Variants in AK7 observed in about 807,000 individuals in gnomAD.
AK7 encodes the protein ATP-AMP transphosphorylase 7.
In AK7, 78 loss-of-function variants were observed where a neutral mutation model predicts 96.6. The ratio of observed to expected loss-of-function variants is 0.81; its 90% CI spans 0.67 to 0.97. The LOEUF (loss-of-function observed/expected upper bound fraction) is 0.97. AK7 is among the 50% of genes least tolerant of loss of function. The probability of loss-of-function intolerance (pLI) is 0.00; values close to 1 mark genes in which losing one functional copy is unlikely to be tolerated. For synonymous variants in AK7, 302 were observed against 317.2 expected, an observed-to-expected ratio of 0.95 and a Z score of 0.51; for missense variants, 855 against 887.9, an observed-to-expected ratio of 0.96 and a Z score of 0.47.
chr14:96,392,141 G>T lies in AK7; in HGVS notation c.-14G>T. 1 of 1,605,818 alleles carries T rather than the reference G, an allele frequency of 6.2e-7. No individual in the cohort carries two copies. Among genetic ancestry groups the T allele is most frequent in the Non-Finnish European group, 8.5e-7 (1 of 1,172,834 alleles). Reference sequence around the variant, plus strand: ...AGTGGCGCTTTCACCTTAGCAACCAGCGCGGCTCCCACCATGGCTGAAGAA... The same window carrying T: ...AGTGGCGCTTTCACCTTAGCAACCATCGCGGCTCCCACCATGGCTGAAGAA... On this transcript the variant is annotated 5_prime_UTR_variant, in exon 1 of 18. Coordinates refer to ENST00000267584, the MANE Select transcript of AK7 (RefSeq NM_152327.5).
intron 4 of AK7, among the ~76,000 whole-genome samples, chr14:96,409,999 C>T (rs1170292270): frequency 6.6e-6 from 1 of 152,114 alleles, no homozygotes; most frequent in Non-Finnish European, 1.5e-5. Context: ...CAATGATACA[C>T]CATTGATCCC....
intron 17 of AK7, 27 bp downstream of exon 17, chr14:96,487,083 A>G: frequency 6.2e-7 from 1 of 1,612,672 alleles, no homozygotes; most frequent in African/African-American, 1.3e-5. Flanking sequence ...TTAAAAAAAG[A>G]TCAATTTGAG....
intron 12 of AK7, among the ~76,000 whole-genome samples, chr14:96,459,923 A>G (rs1359032563): frequency 2.0e-5 from 3 of 152,204 alleles, no homozygotes; most frequent in African/African-American, 7.2e-5. Flanking sequence ...AAATGGGCCA[A>G]TACGTAATAC....
intron 5 of AK7, 105 bp downstream of exon 5, chr14:96,421,037 C>A: frequency 1.3e-6 from 1 of 749,138 alleles, no homozygotes; most frequent in Non-Finnish European, 2.2e-6. Context: ...TTAGGCTCAC[C>A]CCAGGATACA....
At chr14:96,411,580 ACTG>A (rs1891031215) in intron 4 of AK7, among the ~76,000 whole-genome samples, 1 of 152,148 alleles carries the variant, frequency 6.6e-6, no homozygotes, top group Admixed American at 6.6e-5. Context: ...AAGACCAAAT[ACTG>A]CTAAGTATTT....
chr14:96,423,317 C>G (rs965948581), intron 5 of AK7, among the ~76,000 whole-genome samples: 14 of 152,162 alleles, frequency 9.2e-5, no homozygotes, highest in Non-Finnish European at 2.1e-4. Context: ...GCAACCAATC[C>G]TTATTTATTT....
chr14:96,406,899 CAGCTTCTGGCCTCA>C (rs1203640476), intron 3 of AK7, among the ~76,000 whole-genome samples: 1 of 152,042 alleles, frequency 6.6e-6, no homozygotes, highest in Non-Finnish European at 1.5e-5. Flanking sequence ...GGGTGGTCTC[CAGCTTCTGGCCTCA>C]AGCGATCCTC....
intron 17 of AK7, chr14:96,487,955 C>T (rs1895864980): frequency 5.4e-6 from 2 of 372,950 alleles, no homozygotes; most frequent in Non-Finnish European, 1.1e-5. Flanking sequence ...TCTTGTTGCT[C>T]AGGTTGGAAT....
intron 10 of AK7, among the ~76,000 whole-genome samples, chr14:96,454,045 A>C (rs1031106418): frequency 6.6e-6 from 1 of 152,014 alleles, no homozygotes; most frequent in African/African-American, 2.4e-5. Flanking sequence ...TCCCTATCCG[A>C]TGGGACCACA....
At chr14:96,394,623 T>G (rs1445152818) in intron 1 of AK7, among the ~76,000 whole-genome samples, 1 of 152,190 alleles carries the variant, frequency 6.6e-6, no homozygotes, top group Non-Finnish European at 1.5e-5. Flanking sequence ...TGGTTTATCC[T>G]CTAAATTCAG....
chr14:96,395,195 A>T (rs1889996960), intron 1 of AK7, among the ~76,000 whole-genome samples: 1 of 152,254 alleles, frequency 6.6e-6, no homozygotes, highest in Non-Finnish European at 1.5e-5. Flanking sequence ...ACCTATTGTT[A>T]ACAGGAACCC....
chr14:96,465,606 A>G (rs968166524), intron 12 of AK7, among the ~76,000 whole-genome samples: 3 of 152,206 alleles, frequency 2.0e-5, no homozygotes, highest in African/African-American at 7.2e-5. Flanking sequence ...AATGCCAAAA[A>G]GCTTTTATGA....
intron 12 of AK7, 106 bp downstream of exon 12, chr14:96,458,318 G>T: frequency 2.1e-6 from 3 of 1,411,528 alleles, no homozygotes; most frequent in Non-Finnish European, 2.8e-6. Flanking sequence ...AACTACAGGC[G>T]GGCGCCATGG....
intron 7 of AK7, among the ~76,000 whole-genome samples, chr14:96,445,291 T>C (rs548358194): frequency 1.3e-3 from 200 of 152,352 alleles, no homozygotes; most frequent in African/African-American, 4.6e-3. Context: ...TAGCATTTTT[T>C]CCCCAGAGGT....
chr14:96,406,192 C>T (rs1003789354), intron 3 of AK7, among the ~76,000 whole-genome samples: 1 of 152,078 alleles, frequency 6.6e-6, no homozygotes, highest in Non-Finnish European at 1.5e-5. Flanking sequence ...GCTGGGATTA[C>T]AGGAGTGAGC....
chr14:96,468,015 T>C (rs1290857551), intron 12 of AK7, among the ~76,000 whole-genome samples: 1 of 137,932 alleles, frequency 7.2e-6, no homozygotes, highest in East Asian at 2.2e-4. Context: ...GGCAGGAAGA[T>C]CACTTGAGGC....
At chr14:96,476,341 A>G (rs144522388) in intron 14 of AK7, among the ~76,000 whole-genome samples, 1,742 of 152,166 alleles carry the variant, frequency 0.011, 42 homozygotes, top group African/African-American at 0.04. Flanking sequence ...CCCCATCTCT[A>G]CTAAAAATAT....
chr14:96,409,018 C>A, intron 4 of AK7, 77 bp downstream of exon 4: 1 of 1,448,052 alleles, frequency 6.9e-7, no homozygotes, highest in Non-Finnish European at 9.6e-7. Context: ...AGGGAACTTC[C>A]TATGGCGAGT....
At chr14:96,396,276 C>A (rs1890079174) in intron 1 of AK7, among the ~76,000 whole-genome samples, 1 of 152,058 alleles carries the variant, frequency 6.6e-6, no homozygotes. Context: ...TAGGGCCTTT[C>A]TCAAATTCCA....
Sources: allele counts gnomAD v4.1 joint callset (sites outside exome capture counted in the v4.1 genomes callset), GRCh38; gene constraint gnomAD v4.1.1; transcripts MANE v1.5; gene names NCBI Gene and HGNC (gene_info 2026-07-23, HGNC 2026-07-21).